Variants in NASP observed in about 807,000 individuals in gnomAD.
The protein encoded by NASP is nuclear autoantigenic sperm protein, also known as NASP histone chaperone.
NASP carries 24 observed loss-of-function variants against 89.5 expected under a neutral mutation model. The ratio of observed to expected loss-of-function variants is 0.27; its 90% confidence interval spans 0.19 to 0.38. NASP has a LOEUF of 0.38. Ranked by LOEUF, NASP falls within the 10% of genes least tolerant of loss-of-function variation. The pLI, the probability that NASP is intolerant of heterozygous loss-of-function variation, is 1.00. For missense variants in NASP, 848 were observed against 921.4 expected (o/e 0.92, Z 1.03); for synonymous variants, 306 against 324.7 (o/e 0.94, Z 0.62).
intron 6 of NASP, chr1:45,611,219 A>G (rs1471038487): frequency 6.6e-6 from 1 of 152,224 alleles, no homozygotes; most frequent in Non-Finnish European, 1.5e-5. Context: ...GAAAAATTAA[A>G]TTGATATTGT....
intron 1 of NASP, chr1:45,588,696 T>C (rs1051974083): frequency 4.7e-6 from 2 of 429,178 alleles, no homozygotes; most frequent in African/African-American, 2.1e-5. Context: ...TCCAGCACTT[T>C]GGGAGGCCGA....
intron 14 of NASP, 53 bp downstream of exon 14, chr1:45,617,644 C>A (rs1009112838): frequency 2.9e-5 from 44 of 1,522,808 alleles, no homozygotes; most frequent in Non-Finnish European, 3.8e-5. Flanking sequence ...TTCTCAGGAC[C>A]TGGGGAAATC....
chr1:45,601,609 T>G (rs1643845535), intron 2 of NASP, among the ~76,000 whole-genome samples: 1 of 152,170 alleles, frequency 6.6e-6, no homozygotes, highest in African/African-American at 2.4e-5. Context: ...TTCTTAATTT[T>G]AATATTTCTT....
chr1:45,613,397 C>T, intron 7 of NASP, 149 bp downstream of exon 7: 2 of 881,002 alleles, frequency 2.3e-6, no homozygotes, highest in East Asian at 6.0e-5. Flanking sequence ...GATCGCCTCA[C>T]CTCAGCCTCT....
chr1:45,617,232 A>C, intron 13 of NASP: 1 of 470,854 alleles, frequency 2.1e-6, no homozygotes, highest in East Asian at 4.2e-5. Context: ...CCTCACCCCA[A>C]CCCTATCTCC....
chr1:45,601,738 T>TA (rs1643848438), intron 2 of NASP, among the ~76,000 whole-genome samples: 1 of 142,422 alleles, frequency 7.0e-6, no homozygotes, highest in Admixed American at 7.6e-5. Context: ...GATGAGCCGT[T>TA]AAGAGAATTT....
At chr1:45,614,933 C>A in intron 9 of NASP, 80 bp from the exon 10 acceptor site, 1 of 1,215,296 alleles carries the variant, frequency 8.2e-7, no homozygotes, top group South Asian at 1.5e-5. Flanking sequence ...GGGTGCATTC[C>A]CATAGGATGG....
At position 45,606,730 on chromosome 1, in the gene NASP, T is replaced by G. The variant is rs575604421; in HGVS notation, c.409+139T>G. ...TGATGATGCCTGCATCTGGTGGAGA[T>G]TGCAGTGGGGATAGCTGTTTACTGA... On this transcript the variant is annotated intron_variant, in intron 5 of 14. Coordinates refer to ENST00000350030, the MANE Select transcript of NASP (RefSeq NM_002482.4). 2.1e-4 allele frequency: 113 copies of G among 549,294 alleles called. 1 individual carries two copies. The South Asian group carries it at 2.1e-3, about 10-fold the overall frequency. The allele number at this position is 549,294 out of a possible 1,614,324, so 34.0% of individuals were successfully genotyped here.
intron 6 of NASP, chr1:45,611,489 CAG>C (rs1487483219): frequency 2.0e-5 from 2 of 99,308 alleles, no homozygotes; most frequent in African/African-American, 4.0e-5. Context: ...TTTTTTGAGA[CAG>C]AGTCTTGCTC....
chr1:45,614,956 G>A (rs973120478), intron 9 of NASP, 57 bp from the exon 10 acceptor site: 5 of 1,464,912 alleles, frequency 3.4e-6, no homozygotes, highest in African/African-American at 1.4e-5. Context: ...CTGAATTCTG[G>A]AAGTATTTTA....
At chr1:45,584,975 G>A (rs1182583201) in intron 1 of NASP, among the ~76,000 whole-genome samples, 3 of 152,244 alleles carry the variant, frequency 2.0e-5, no homozygotes, top group African/African-American at 4.8e-5. Flanking sequence ...GTCTGTTTGG[G>A]GGGAACATTA....
At chr1:45,603,260 G>A (rs1290536860) in intron 3 of NASP, among the ~76,000 whole-genome samples, 1 of 152,196 alleles carries the variant, frequency 6.6e-6, no homozygotes, top group Non-Finnish European at 1.5e-5. Context: ...GGTCTATGGC[G>A]AGGTTTGAGT....
At chr1:45,586,299 GT>G (rs1222548872) in intron 1 of NASP, among the ~76,000 whole-genome samples, 32 of 40,798 alleles carry the variant, frequency 7.8e-4, no homozygotes, top group African/African-American at 2.9e-3. Flanking sequence ...GTGTGTGTGT[GT>G]GTGTGTGTGG....
rs778432262 is a variant in NASP at position 45,608,389 on chromosome 1, C to T, written c.1426+52C>T. ...TGGGTGGAGTACATTCTGGATTTGA[C>T]TCACTAATTATGGGTAAAAGTCAGC... On this transcript the variant is annotated intron_variant, in intron 6 of 14. Coordinates refer to ENST00000350030, the MANE Select transcript of NASP (RefSeq NM_002482.4). 2.6e-6 allele frequency: 4 copies of T among 1,535,308 alleles called. No homozygotes were observed. The South Asian group carries it at 4.8e-5, about 18-fold the overall frequency.
chr1:45,591,203 C>T lies in NASP; in HGVS notation c.60-20C>T, dbSNP rs746762480. The T allele has an allele frequency of 3.8e-5, 56 of 1,464,066 alleles. No individual in the cohort carries two copies. The South Asian group carries it at 5.2e-4, about 14-fold the overall frequency. The allele number at this position is 1,464,066 out of a possible 1,614,324, so 90.7% of individuals were successfully genotyped here. On this transcript the variant is annotated intron_variant, in intron 1 of 14. Coordinates refer to ENST00000350030, the MANE Select transcript of NASP (RefSeq NM_002482.4). ...TTGCCTCCAGTTTTACATTTTTTCC[C>T]CTTTAATTTTTTATTACAGAATTGA...
chr1:45,588,322 T>G (rs919928857), intron 1 of NASP, among the ~76,000 whole-genome samples: 1 of 150,412 alleles, frequency 6.6e-6, no homozygotes, highest in African/African-American at 2.4e-5. Context: ...CAGGCTGGTC[T>G]CGAACTCCTG....
intron 7 of NASP, among the ~76,000 whole-genome samples, 194 bp downstream of exon 7, chr1:45,613,442 C>T (rs1237160913): frequency 6.6e-6 from 1 of 152,108 alleles, no homozygotes; most frequent in East Asian, 1.9e-4. Flanking sequence ...TGCCAACATG[C>T]CCAGCTAGTT....
At chr1:45,592,248 G>A (rs941097396) in intron 2 of NASP, among the ~76,000 whole-genome samples, 2 of 152,204 alleles carry the variant, frequency 1.3e-5, no homozygotes, top group East Asian at 1.9e-4. Context: ...GCCTCCCAAA[G>A]TGTTGGGATT....
chr1:45,608,101 C>A lies in NASP; in HGVS notation c.1190C>A (p.Ser397Tyr), dbSNP rs764555404. Residue 397 changes from serine (S) to tyrosine (Y), a missense_variant, in exon 6 of 15, where the codon TCT (serine) becomes TAT (tyrosine). By Grantham distance (144) the Ser-to-Tyr change is moderately radical (BLOSUM62 -2). Transcript: ENST00000350030. ...CAGACTCCTATTGAACCACAGACTT[C>A]TATAGAAAGACTGACAGAAACAAAA... ...GDQTPIEPQT[S>Y]IERLTETKDG... The A allele has an allele frequency of 1.2e-6, 2 of 1,613,934 alleles. No homozygotes were observed. The highest frequency in any genetic ancestry group is 1.1e-5 in the South Asian group (1 of 91,060).
Sources: gnomAD v4.1 joint callset for allele counts (sites outside exome capture counted in the v4.1 genomes callset) on GRCh38, gnomAD v4.1.1 for gene constraint, MANE v1.5 for transcripts, NCBI Gene and HGNC (gene_info 2026-07-23, HGNC 2026-07-21) for gene names.